The following NXN variants were observed in gnomAD, a reference collection of about 807,000 sequenced individuals.
NXN encodes nucleoredoxin 1.
In NXN, 16 loss-of-function variants were observed where a neutral mutation model predicts 48.6. The observed-to-expected ratio is 0.33, with a 90% confidence interval of 0.22 to 0.50. NXN has a LOEUF of 0.50. Among genes scored for constraint, NXN ranks in the 20% least tolerant of loss-of-function variants. NXN has a pLI of 0.98. For missense variants in NXN, 492 were observed against 605.5 expected, an observed-to-expected ratio of 0.81 and a Z score of 1.97; for synonymous variants, 281 against 269.6, an observed-to-expected ratio of 1.04 and a Z score of -0.41.
chr17:975,027 G>A (rs1183814194), intron 1 of NXN, among the ~76,000 whole-genome samples: 2 of 151,998 alleles, frequency 1.3e-5, no homozygotes, highest in African/African-American at 4.8e-5. Flanking sequence ...GTTTCACCAT[G>A]TTGCCCAGGC....
intron 1 of NXN, chr17:911,074 A>G (rs1300611375): frequency 2.0e-5 from 3 of 152,116 alleles, no homozygotes; most frequent in Non-Finnish European, 4.4e-5. Context: ...AAGTTCCCAC[A>G]GTGCATATGT....
intron 1 of NXN, among the ~76,000 whole-genome samples, chr17:866,008 C>T (rs960457270): frequency 2.6e-5 from 4 of 151,592 alleles, no homozygotes; most frequent in African/African-American, 4.9e-5. Flanking sequence ...AAAGTGTGTG[C>T]GACAATGTTT....
chr17:978,928 G>A lies in NXN; in HGVS notation c.360+391C>T, dbSNP rs1014204953. ...TGGCGCCTCTGCTCGCGGGTGAAGG[G>A]GTCGCGGAACCGGGATCCCCGAGCG... On this transcript the variant is annotated intron_variant, in intron 1 of 7. Coordinates refer to ENST00000336868, the MANE Select transcript of NXN (RefSeq NM_022463.5). The surrounding 1 kb of genome is among the most constrained non-coding windows in gnomAD (Gnocchi z 4.1). Among the ~76,000 whole-genome samples, 1 of 151,212 alleles carries A rather than the reference G, an allele frequency of 6.6e-6. No individual in the cohort carries two copies. The highest frequency in any genetic ancestry group is 2.1e-4 in the South Asian group (1 of 4,786).
intron 6 of NXN, 30 bp from the exon 7 acceptor site, chr17:803,836 G>A (rs1017465224): frequency 2.5e-5 from 40 of 1,612,772 alleles, no homozygotes; most frequent in Non-Finnish European, 2.9e-5. Context: ...AGAAAAAGAC[G>A]GGGAGAAAAA....
intron 1 of NXN, among the ~76,000 whole-genome samples, chr17:861,461 C>G (rs1272322750): frequency 6.6e-6 from 1 of 151,982 alleles, no homozygotes; most frequent in Non-Finnish European, 1.5e-5. Context: ...TTGAAAGTGG[C>G]TAGAGGCAGT....
At position 972,936 on chromosome 17, in the gene NXN, C is replaced by A. The variant is rs149081357; in HGVS notation, c.360+6383G>T. Among the ~76,000 whole-genome samples, 532 of 151,260 alleles carry A rather than the reference C, an allele frequency of 3.5e-3. 2 individuals are homozygous for A. Among genetic ancestry groups the A allele is most frequent in the African/African-American group, 0.012 (511 of 41,208 alleles). On this transcript the variant is annotated intron_variant, in intron 1 of 7. Coordinates refer to ENST00000336868, the MANE Select transcript of NXN (RefSeq NM_022463.5). ...GTCCCAGCTACTCGGGAGGCTGAGG[C>A]AGGAGAATGGCAGGAACCCGGGAGG... is the stretch of plus-strand genomic sequence containing the variant.
At chr17:929,132 T>C (rs1423052223) in intron 1 of NXN, among the ~76,000 whole-genome samples, 2 of 152,194 alleles carry the variant, frequency 1.3e-5, no homozygotes, top group African/African-American at 4.8e-5. Context: ...CCCAGTTTGT[T>C]AGCTTGAAAA....
In NXN at chr17:979,108, AGG is replaced by A. The variant is rs370371306; in HGVS notation, c.360+209_360+210del. Reference sequence around the variant, plus strand: ...GATGAGGGTGCGGGCACAGCGCGGAAGGGGGGGGGGCAGAGGCGGGGACGGCG... The same window carrying A: ...GATGAGGGTGCGGGCACAGCGCGGAAGGGGGGGGCAGAGGCGGGGACGGCG... On this transcript the variant is annotated intron_variant, in intron 1 of 7. Transcript: ENST00000336868. Among the ~76,000 whole-genome samples, 49 of 60,876 alleles carry A rather than the reference AGG, an allele frequency of 8.0e-4. 1 individual carries two copies. Among genetic ancestry groups the A allele is most frequent in the East Asian group, 2.5e-3 (4 of 1,572 alleles). 39.9% of individuals were successfully genotyped at this position (60,876 alleles called of 152,430 possible). A position where few individuals can be genotyped will look rare whatever the true frequency, so the allele number is the denominator to read the frequency against.
intron 4 of NXN, among the ~76,000 whole-genome samples, chr17:822,056 G>A (rs866595647): frequency 5.3e-5 from 8 of 152,146 alleles, no homozygotes; most frequent in Non-Finnish European, 1.2e-4. Context: ...CAAGGTGGGC[G>A]CCTCATGAGG....
intron 1 of NXN, chr17:908,064 T>G (rs954780715): frequency 1.3e-5 from 2 of 152,048 alleles, no homozygotes; most frequent in Non-Finnish European, 1.5e-5. Flanking sequence ...GACCTAAAGG[T>G]TCCAAGAAAA....
At chr17:847,775 T>C (rs551696320) in intron 1 of NXN, among the ~76,000 whole-genome samples, 3 of 152,048 alleles carry the variant, frequency 2.0e-5, no homozygotes, top group South Asian at 4.1e-4. Context: ...GGTAAATTGT[T>C]TGGAAAGTAG....
chr17:974,703 T>C (rs1000710405), intron 1 of NXN, among the ~76,000 whole-genome samples: 4 of 151,972 alleles, frequency 2.6e-5, no homozygotes, highest in African/African-American at 9.7e-5. Context: ...TTTTTAGCCA[T>C]GTATTAGACT....
intron 1 of NXN, among the ~76,000 whole-genome samples, chr17:838,620 C>T (rs952382768): frequency 3.9e-5 from 6 of 152,146 alleles, no homozygotes; most frequent in Admixed American, 6.5e-5. Context: ...GTAAACTTTA[C>T]GTTACATATA....
chr17:957,242 C>T (rs1336240044), intron 1 of NXN, among the ~76,000 whole-genome samples: 7 of 152,000 alleles, frequency 4.6e-5, no homozygotes, highest in Non-Finnish European at 7.4e-5. Flanking sequence ...CCCAACACTA[C>T]GCCGTGTGGA....
chr17:844,629 G>C (rs745845797), intron 1 of NXN, among the ~76,000 whole-genome samples: 5 of 151,838 alleles, frequency 3.3e-5, no homozygotes, highest in Non-Finnish European at 7.4e-5. Flanking sequence ...CTGTCACCCA[G>C]GCTGGAGTGC....
At chr17:816,956 G>A (rs912393034) in intron 5 of NXN, among the ~76,000 whole-genome samples, 1 of 152,118 alleles carries the variant, frequency 6.6e-6, no homozygotes, top group Admixed American at 6.5e-5. Context: ...AGGAGTAAGC[G>A]CTGACCTCCT....
intron 5 of NXN, among the ~76,000 whole-genome samples, chr17:812,861 G>GGT (rs68154102): frequency 6.7e-6 from 1 of 148,582 alleles, no homozygotes; most frequent in African/African-American, 2.5e-5. Flanking sequence ...CATGTGTGTA[G>GGT]GTGTGTGTGG....
intron 1 of NXN, among the ~76,000 whole-genome samples, chr17:962,184 G>A (rs2069245710): frequency 6.6e-6 from 1 of 152,114 alleles, no homozygotes; most frequent in Non-Finnish European, 1.5e-5. Flanking sequence ...AGAGTTGTGT[G>A]TAATAGTAGG....
chr17:897,672 G>T (rs1692196), intron 1 of NXN, among the ~76,000 whole-genome samples: 121,095 of 151,906 alleles, frequency 0.8, 48,553 homozygotes, highest in East Asian at 0.9. Flanking sequence ...TCCAGCATTT[G>T]TTTTTCTTTT....
Sources: allele counts gnomAD v4.1 joint callset (sites outside exome capture counted in the v4.1 genomes callset), GRCh38; gene constraint gnomAD v4.1.1; non-coding constraint Gnocchi (gnomAD v3.1); transcripts MANE v1.5; gene names NCBI Gene and HGNC (gene_info 2026-07-23, HGNC 2026-07-21).